The following CEP70 variants were observed in gnomAD, a reference collection of about 807,000 sequenced individuals.
CEP70 encodes the protein centrosomal protein of 70 kDa.
Under a neutral mutation model 90.9 loss-of-function variants are expected in CEP70, and 70 were observed. The observed-to-expected ratio is 0.77, with a 90% CI of 0.64 to 0.94. The LOEUF (loss-of-function observed/expected upper bound fraction) is 0.94. Among genes scored for constraint, CEP70 ranks in the 40% least tolerant of loss-of-function variants. CEP70 has a pLI of 0.00. For missense variants in CEP70, 648 were observed against 669.0 expected, an observed-to-expected ratio of 0.97 and a Z score of 0.35; for synonymous variants, 220 against 228.3, an observed-to-expected ratio of 0.96 and a Z score of 0.33.
At chr3:138,579,741 T>G (rs112166669) in intron 2 of CEP70, among the ~76,000 whole-genome samples, 47 of 151,918 alleles carry the variant, frequency 3.1e-4, no homozygotes, top group African/African-American at 9.4e-4. Flanking sequence ...GCCATGGGCA[T>G]TGGGTGAGAC....
At chr3:138,567,683 CT>C (rs766889837) in intron 6 of CEP70, among the ~76,000 whole-genome samples, 2 of 152,142 alleles carry the variant, frequency 1.3e-5, no homozygotes, top group Non-Finnish European at 2.9e-5. Flanking sequence ...ACTCAAAGTC[CT>C]TTTCCTTTGT....
chr3:138,529,746 A>T lies in CEP70; in HGVS notation c.693-284T>A, dbSNP rs573229993. 1.8e-3 allele frequency among the ~76,000 whole-genome samples: 270 copies of T among 152,314 alleles called. 2 individuals carry two copies. The highest frequency in any genetic ancestry group is 6.2e-3 in the African/African-American group (258 of 41,574). On this transcript the variant is annotated intron_variant, in intron 8 of 17. Transcript: ENST00000264982. ...TCACTGCCTAGAAAAAGTATGGAAT[A>T]TAAGAGGAGGTGAAAAAGCACTGCT...
At chr3:138,496,135 C>T (rs906632832) in intron 17 of CEP70, 2 of 985,348 alleles carry the variant, frequency 2.0e-6, no homozygotes, top group African/African-American at 1.7e-5. Flanking sequence ...GCCACAATGG[C>T]AGGTTCTCTA....
At chr3:138,571,394 A>G in intron 3 of CEP70, 38 bp from the exon 4 acceptor site, 4 of 1,339,894 alleles carry the variant, frequency 3.0e-6, no homozygotes, top group South Asian at 1.3e-5. Flanking sequence ...TTAACTTTAG[A>G]TATAAAGTGA....
intron 2 of CEP70, among the ~76,000 whole-genome samples, chr3:138,574,147 A>G (rs1380824458): frequency 6.6e-6 from 1 of 152,090 alleles, no homozygotes; most frequent in African/African-American, 2.4e-5. Context: ...GCATTGCCTC[A>G]CCCAGGAAGT....
intron 2 of CEP70, among the ~76,000 whole-genome samples, chr3:138,585,500 T>C (rs1310632853): frequency 6.6e-6 from 1 of 152,192 alleles, no homozygotes; most frequent in Non-Finnish European, 1.5e-5. Context: ...TGCAAATGCC[T>C]AGCAAAATAC....
chr3:138,579,418 A>G (rs1450563429), intron 2 of CEP70, among the ~76,000 whole-genome samples: 1 of 151,560 alleles, frequency 6.6e-6, no homozygotes, highest in South Asian at 2.1e-4. Context: ...CCCTCCCCCA[A>G]CCCCAGGCAG....
In CEP70 at chr3:138,496,897, T is replaced by C. The variant is rs560220002; in HGVS notation, c.1732+1134A>G. The C allele has an allele frequency of 5.1e-5, 50 of 985,550 alleles. No homozygotes were observed. The South Asian group carries it at 2.1e-3, about 41-fold the overall frequency. 61.1% of individuals were successfully genotyped at this position (985,550 alleles called of 1,614,324 possible). A position where few individuals can be genotyped will look rare whatever the true frequency, so the allele number is the denominator to read the frequency against. ...TTCTATAGAAGCATTCTGAAATAAGTGTTACCAGCACACCCTATTAAAATA... is the reference window on the plus strand; with the variant it reads ...TTCTATAGAAGCATTCTGAAATAAGCGTTACCAGCACACCCTATTAAAATA... On this transcript the variant is annotated intron_variant, in intron 17 of 17. Coordinates refer to ENST00000264982, the MANE Select transcript of CEP70 (RefSeq NM_024491.4).
chr3:138,521,304 G>A (rs1192506071), intron 11 of CEP70, among the ~76,000 whole-genome samples: 2 of 150,944 alleles, frequency 1.3e-5, no homozygotes, highest in South Asian at 2.1e-4. Flanking sequence ...CTGCCCAGCC[G>A]CCCAGTCTGG....
intron 2 of CEP70, among the ~76,000 whole-genome samples, chr3:138,580,202 C>A (rs1014202256): frequency 2.6e-5 from 4 of 152,078 alleles, no homozygotes; most frequent in Non-Finnish European, 2.9e-5. Flanking sequence ...GAATAGAGCA[C>A]CAGGTAGGTT....
chr3:138,549,595 C>A (rs1340621538), intron 6 of CEP70, among the ~76,000 whole-genome samples: 1 of 152,096 alleles, frequency 6.6e-6, no homozygotes, highest in Non-Finnish European at 1.5e-5. Flanking sequence ...ACACGCCTAA[C>A]CCTGGCCCAA....
intron 12 of CEP70, among the ~76,000 whole-genome samples, chr3:138,506,617 GA>G (rs1341887394): frequency 1.3e-5 from 2 of 152,132 alleles, no homozygotes; most frequent in Non-Finnish European, 2.9e-5. Flanking sequence ...CATACTTCAA[GA>G]TATAACTAAT....
intron 2 of CEP70, among the ~76,000 whole-genome samples, chr3:138,583,145 G>A (rs572091028): frequency 4.1e-4 from 63 of 152,252 alleles, no homozygotes; most frequent in African/African-American, 1.5e-3. Flanking sequence ...AATGAATCCA[G>A]TATAGCAGGA....
intron 6 of CEP70, among the ~76,000 whole-genome samples, chr3:138,567,693 G>C (rs1037521679): frequency 6.6e-6 from 1 of 152,036 alleles, no homozygotes; most frequent in South Asian, 2.1e-4. Flanking sequence ...CTTTTCCTTT[G>C]TCTTGCCACT....
intron 6 of CEP70, among the ~76,000 whole-genome samples, chr3:138,537,629 A>G (rs1472559133): frequency 1.3e-5 from 2 of 152,234 alleles, no homozygotes; most frequent in Admixed American, 1.3e-4. Flanking sequence ...AAGAATTTCC[A>G]TAAAACTGGT....
chr3:138,530,856 T>G, intron 8 of CEP70: 1 of 984,728 alleles, frequency 1.0e-6, no homozygotes, highest in Non-Finnish European at 1.2e-6. Flanking sequence ...GAATCTCACT[T>G]TCAAGTTAGT....
intron 17 of CEP70, chr3:138,497,382 T>G (rs988146161): frequency 4.2e-5 from 51 of 1,208,764 alleles, no homozygotes; most frequent in Admixed American, 1.4e-4. Context: ...AATTCACTGG[T>G]GAATACATCA....
intron 6 of CEP70, among the ~76,000 whole-genome samples, chr3:138,556,742 G>C (rs1437308500): frequency 6.6e-6 from 1 of 151,960 alleles, no homozygotes; most frequent in Non-Finnish European, 1.5e-5. Context: ...GTTTTTATTA[G>C]GGATTTTCAA....
chr3:138,566,582 T>C (rs2040805325), intron 6 of CEP70, among the ~76,000 whole-genome samples: 1 of 152,048 alleles, frequency 6.6e-6, no homozygotes. Context: ...ACACTGCACA[T>C]TCTCACTTAT....
Sources: gnomAD v4.1 joint callset for allele counts (sites outside exome capture counted in the v4.1 genomes callset) on GRCh38, gnomAD v4.1.1 for gene constraint, MANE v1.5 for transcripts, NCBI Gene and HGNC (gene_info 2026-07-23, HGNC 2026-07-21) for gene names.